The following API5 variants were observed in gnomAD, a reference collection of about 807,000 sequenced individuals.
API5 encodes the protein apoptosis inhibitor 5.
A neutral mutation model predicts 71.9 loss-of-function variants in API5; 6 were observed. The observed-to-expected ratio is 0.08, with a 90% CI of 0.05 to 0.16. API5 has a LOEUF of 0.16. API5 is among the 10% of genes least tolerant of loss of function. The probability of loss-of-function intolerance (pLI) is 1.00; values close to 1 mark genes in which losing one functional copy is unlikely to be tolerated. For missense variants in API5, 332 were observed against 612.8 expected (o/e 0.54, Z 4.84); for synonymous variants, 189 against 221.3 (o/e 0.85, Z 1.30).
At position 43,322,146 on chromosome 11, in the gene API5, G is replaced by A. The variant is rs756048139; in HGVS notation, c.543+10G>A. 3 of 1,583,594 alleles carry A rather than the reference G, an allele frequency of 1.9e-6. No homozygotes were observed. In the Admixed American group the frequency reaches 5.5e-5, roughly 29 times the overall value. Reference sequence around the variant, plus strand: ...AACTGAATCCAAAAAGGTGAGCTTTGGTCTTCATTTGGTGGAAATTCTCTA... The same window carrying A: ...AACTGAATCCAAAAAGGTGAGCTTTAGTCTTCATTTGGTGGAAATTCTCTA... On this transcript the variant is annotated intron_variant, in intron 5 of 13. Transcript: ENST00000531273.
chr11:43,326,681 C>A, intron 7 of API5, 70 bp downstream of exon 7: 2 of 860,802 alleles, frequency 2.3e-6, no homozygotes, highest in South Asian at 1.5e-5. Context: ...AAACCACTAA[C>A]TTAGATCCGA....
chr11:43,330,315 C>T, intron 10 of API5, 193 bp from the exon 11 acceptor site: 2 of 630,190 alleles, frequency 3.2e-6, no homozygotes, highest in Non-Finnish European at 5.5e-6. Flanking sequence ...TATTTGCTTT[C>T]TTTGCTACAT....
intron 1 of API5, among the ~76,000 whole-genome samples, chr11:43,312,825 G>A (rs1854530751): frequency 6.6e-6 from 1 of 152,076 alleles, no homozygotes; most frequent in African/African-American, 2.4e-5. Flanking sequence ...TAGGCATTGT[G>A]AGGCCCGGCT....
Position 43,330,066 on chromosome 11 carries a change from T to C in API5, c.1221+8T>C. 6.2e-7 allele frequency: 1 copy of C among 1,608,372 alleles called. No homozygotes were observed. Among genetic ancestry groups the C allele is most frequent in the South Asian group, 1.1e-5 (1 of 90,964 alleles). On this transcript the variant is annotated splice_region_variant and intron_variant, in intron 10 of 13. Transcript: ENST00000531273. ...GCCTTAAAAACAGAAGAGGTAAGAA[T>C]ACTGGCTCACATTTCATAAACTGCT...
In API5 at chr11:43,320,877, T is replaced by C. The variant is rs1445682097; in HGVS notation, c.288T>C (p.Pro96=). The change falls in exon 3 of 14, where the codon CCT becomes CCC. Residue 96 remains proline (P), a synonymous_variant. Coordinates refer to ENST00000531273, the MANE Select transcript of API5 (RefSeq NM_001142930.2). The stretch of plus-strand genomic sequence containing the variant: ...AATTTGCCACTGGAGAAAATCTTCC[T>C]CGAGTGGCAGATATACTAACGCAAC... ...LPQFATGENL[P]RVADILTQLL... 2.5e-6 allele frequency: 4 copies of C among 1,612,074 alleles called. No individual in the cohort carries two copies. The highest frequency in any genetic ancestry group is 3.4e-6 in the Non-Finnish European group (4 of 1,180,002).
chr11:43,317,482 T>TA (rs1854711780), intron 1 of API5, among the ~76,000 whole-genome samples: 1 of 152,154 alleles, frequency 6.6e-6, no homozygotes, highest in African/African-American at 2.4e-5. Flanking sequence ...TGTCTGGCTA[T>TA]ATGGAGTGAA....
rs189588934 is a variant in API5, at chr11:43,325,283, T to C, written c.751-1224T>C. On this transcript the variant is annotated intron_variant, in intron 6 of 13. Coordinates refer to ENST00000531273, the MANE Select transcript of API5 (RefSeq NM_001142930.2). ...GCTAAAGTTGAAGCAAGAACAAATATCGAATTTATGGTGAAGCTTGGTGGA... is the reference window on the plus strand; with the variant it reads ...GCTAAAGTTGAAGCAAGAACAAATACCGAATTTATGGTGAAGCTTGGTGGA... 6.8e-4 allele frequency among the ~76,000 whole-genome samples: 104 copies of C among 152,222 alleles called. 1 individual carries two copies. The highest frequency in any genetic ancestry group is 2.1e-3 in the African/African-American group (86 of 41,550).
At chr11:43,341,245 A>G (rs1211332572) in intron 13 of API5, among the ~76,000 whole-genome samples, 1 of 152,180 alleles carries the variant, frequency 6.6e-6, no homozygotes, top group Non-Finnish European at 1.5e-5. Context: ...AAGAGATTTT[A>G]TCTCATTTAC....
intron 13 of API5, among the ~76,000 whole-genome samples, chr11:43,336,842 A>T (rs998547976): frequency 1.3e-5 from 2 of 151,918 alleles, no homozygotes; most frequent in African/African-American, 4.8e-5. Flanking sequence ...CCCCGTCTCT[A>T]CTAAAAATAC....
At position 43,318,182 on chromosome 11, in the gene API5, G is replaced by C. The variant is rs1040890383; in HGVS notation, c.70-458G>C. Among the ~76,000 whole-genome samples the C allele has an allele frequency of 3.3e-5, 5 of 151,540 alleles. No homozygotes were observed. The East Asian group carries it at 9.7e-4, about 30-fold the overall frequency. ...ACACCACCACGCCTGGCTAATTTTTGTGTTTTAGTAGAGACGGGGTTTAAC... is the reference window on the plus strand; with the variant it reads ...ACACCACCACGCCTGGCTAATTTTTCTGTTTTAGTAGAGACGGGGTTTAAC... On this transcript the variant is annotated intron_variant, in intron 1 of 13. Coordinates refer to ENST00000531273, the MANE Select transcript of API5 (RefSeq NM_001142930.2).
chr11:43,342,325 T>C (rs1004039647), intron 13 of API5, 103 bp from the exon 14 acceptor site: 15 of 908,776 alleles, frequency 1.7e-5, no homozygotes, highest in African/African-American at 3.3e-5. Context: ...TCTGTTCTTA[T>C]AGGGCCTACT....
At chr11:43,313,596 A>T (rs1393942971) in intron 1 of API5, among the ~76,000 whole-genome samples, 3 of 152,144 alleles carry the variant, frequency 2.0e-5, no homozygotes, top group African/African-American at 4.8e-5. Context: ...AAAAAAAAAA[A>T]TTTCATGTTG....
chr11:43,312,219 C>T (rs374204661), intron 1 of API5, 23 bp downstream of exon 1: 4 of 1,611,392 alleles, frequency 2.5e-6, no homozygotes, highest in Non-Finnish European at 3.4e-6. Flanking sequence ...CCCGGGCGGC[C>T]TGCAGGGCCT....
At chr11:43,341,051 T>C (rs1855594944) in intron 13 of API5, among the ~76,000 whole-genome samples, 1 of 152,164 alleles carries the variant, frequency 6.6e-6, no homozygotes, top group Non-Finnish European at 1.5e-5. Context: ...ATATTCAGAA[T>C]ATAGAAGATA....
At chr11:43,316,773 G>A (rs925299508) in intron 1 of API5, among the ~76,000 whole-genome samples, 1 of 152,046 alleles carries the variant, frequency 6.6e-6, no homozygotes, top group Non-Finnish European at 1.5e-5. Flanking sequence ...TCCTCCCTCA[G>A]CCTCTCCAGT....
At chr11:43,342,061 C>G (rs1326780314) in intron 13 of API5, among the ~76,000 whole-genome samples, 1 of 152,056 alleles carries the variant, frequency 6.6e-6, no homozygotes, top group Non-Finnish European at 1.5e-5. Flanking sequence ...AGAAAGATCA[C>G]TCTAGTCCAG....
chr11:43,341,208 C>A (rs1407106136), intron 13 of API5, among the ~76,000 whole-genome samples: 1 of 152,062 alleles, frequency 6.6e-6, no homozygotes, highest in South Asian at 2.1e-4. Context: ...ACATCAAAAC[C>A]ACAATGAGTA....
At chr11:43,314,206 A>G (rs1854592513) in intron 1 of API5, among the ~76,000 whole-genome samples, 1 of 152,172 alleles carries the variant, frequency 6.6e-6, no homozygotes, top group Non-Finnish European at 1.5e-5. Flanking sequence ...TTTATCTGTG[A>G]CTTAGTTGGG....
At chr11:43,332,787 T>C (rs1210849244) in intron 11 of API5, among the ~76,000 whole-genome samples, 1 of 152,102 alleles carries the variant, frequency 6.6e-6, no homozygotes, top group Non-Finnish European at 1.5e-5. Flanking sequence ...TAGATAAACC[T>C]TTATTGGTGT....
Sources: gnomAD v4.1 joint callset for allele counts (sites outside exome capture counted in the v4.1 genomes callset) on GRCh38, gnomAD v4.1.1 for gene constraint, MANE v1.5 for transcripts, NCBI Gene and HGNC (gene_info 2026-07-23, HGNC 2026-07-21) for gene names.